Variants in ABCA12 observed in about 807,000 individuals in gnomAD.
The protein encoded by ABCA12 is ATP binding cassette subfamily A member 12, also known as glucosylceramide transporter ABCA12.
In ABCA12, 156 loss-of-function variants were observed where a neutral mutation model predicts 293.5. The observed-to-expected ratio is 0.53, with a 90% CI of 0.47 to 0.61. The LOEUF is 0.61. Among genes scored for constraint, ABCA12 ranks in the 20% least tolerant of loss-of-function variants. The pLI is 0.00. For synonymous variants in ABCA12, 1,063 were observed against 1,108.0 expected (o/e 0.96, Z 0.81); for missense variants, 2,797 against 3,090.2 (o/e 0.91, Z 2.25).
intron 2 of ABCA12, among the ~76,000 whole-genome samples, chr2:215,094,876 T>G (rs755594130): frequency 1.3e-5 from 2 of 152,156 alleles, no homozygotes; most frequent in African/African-American, 2.4e-5. Flanking sequence ...TCTCTTTTGG[T>G]GCTCCCTCTC....
chr2:215,124,151 T>A (rs1408589215), intron 1 of ABCA12, among the ~76,000 whole-genome samples: 1 of 152,230 alleles, frequency 6.6e-6, no homozygotes, highest in East Asian at 1.9e-4. Context: ...TTCCACAGTT[T>A]TTTAATCCAC....
chr2:215,048,492 C>T (rs1048700808), intron 6 of ABCA12, among the ~76,000 whole-genome samples: 14 of 151,094 alleles, frequency 9.3e-5, no homozygotes, highest in East Asian at 2.0e-4. Context: ...GTCAGGAGTT[C>T]GAGATGAGCC....
At chr2:214,962,451 T>G (rs1171387803) in intron 39 of ABCA12, 1 of 152,168 alleles carries the variant, frequency 6.6e-6, no homozygotes, top group Non-Finnish European at 1.5e-5. Context: ...ATATGGGCAG[T>G]GCTCAATGAA....
intron 5 of ABCA12, chr2:215,050,799 A>C (rs1701305125): frequency 1.0e-6 from 1 of 985,168 alleles, no homozygotes; most frequent in Non-Finnish European, 1.2e-6. Context: ...CTCACCCAAA[A>C]ATGATTTCTC....
In ABCA12 at chr2:215,019,366, T is replaced by G. The variant is rs1362539539; in HGVS notation, c.1627A>C (p.Asn543His). 1 of 1,612,632 alleles carries G rather than the reference T, an allele frequency of 6.2e-7. No homozygotes were observed. The highest frequency in any genetic ancestry group is 1.7e-5 in the Admixed American group (1 of 60,024). The change falls in exon 13 of 53, where the codon AAT (asparagine) becomes CAT (histidine). Residue 543 changes from asparagine to histidine, a missense_variant. Asn to His is a moderately conservative substitution (Grantham distance 68). Around this residue, in one of 3 missense-constraint regions of ABCA12, gnomAD observed 656 missense variants for 638.2 expected, o/e 1.03. Coordinates refer to ENST00000272895, the MANE Select transcript of ABCA12 (RefSeq NM_173076.3). ...IPIIEAMLHVNNSADASEKPG... is the reference protein window; with the variant it reads ...IPIIEAMLHVHNSADASEKPG... ...TTTTCAGAAGCATCTGCACTGTTAT[T>G]GACATGCAGCATGGCTTCTATGATC... is the stretch of plus-strand genomic sequence containing the variant.
intron 39 of ABCA12, chr2:214,961,758 C>G (rs1480482773): frequency 3.3e-5 from 5 of 152,120 alleles, no homozygotes; most frequent in East Asian, 1.9e-4. Flanking sequence ...TATTGATGCT[C>G]TAGATCTAAT....
intron 31 of ABCA12, among the ~76,000 whole-genome samples, chr2:214,979,614 G>A (rs1054861673): frequency 6.6e-5 from 10 of 151,762 alleles, no homozygotes; most frequent in African/African-American, 1.5e-4. Context: ...CTTATTGATC[G>A]TATCATCTGA....
At chr2:215,069,144 C>T (rs1701688477) in intron 2 of ABCA12, among the ~76,000 whole-genome samples, 1 of 151,666 alleles carries the variant, frequency 6.6e-6, no homozygotes, top group African/African-American at 2.4e-5. Context: ...GTCTTTACCC[C>T]AGTGAAGAAT....
Position 215,101,414 on chromosome 2 carries a change from C to A in ABCA12, c.163+10183G>T, listed in dbSNP as rs116368931. On this transcript the variant is annotated intron_variant, in intron 2 of 52. Transcript: ENST00000272895. ...CCAACTCCACCTCCACCTCCAGATG[C>A]CAACTCAGAAAGCCTAGGGTAATAC... 5.4e-3 allele frequency among the ~76,000 whole-genome samples: 825 copies of A among 152,232 alleles called. 13 individuals are homozygous for A. The highest frequency in any genetic ancestry group is 0.019 in the African/African-American group (777 of 41,540).
chr2:215,025,407 C>T (rs1486622178), intron 11 of ABCA12: 4 of 402,518 alleles, frequency 9.9e-6, no homozygotes, highest in Admixed American at 8.7e-5. Context: ...TGATTCTTCC[C>T]ACCTCGGCCT....
chr2:215,101,213 G>T (rs558087579), intron 2 of ABCA12, among the ~76,000 whole-genome samples: 3 of 152,292 alleles, frequency 2.0e-5, no homozygotes, highest in Non-Finnish European at 4.4e-5. Flanking sequence ...ATTATTCAAA[G>T]AATTAAATCC....
At chr2:215,018,258 C>G (rs1700550302) in intron 13 of ABCA12, 126 bp from the exon 14 acceptor site, 1 of 1,191,284 alleles carries the variant, frequency 8.4e-7, no homozygotes, top group Non-Finnish European at 1.2e-6. Context: ...AGATGTCTCC[C>G]AGTTTTGGCA....
At chr2:215,020,783 CG>C (rs1700613407) in intron 11 of ABCA12, 1 of 152,286 alleles carries the variant, frequency 6.6e-6, no homozygotes, top group Non-Finnish European at 1.5e-5. Context: ...ACTGCAACCT[CG>C]GCCTCCAGGC....
At chr2:214,969,777 AAAG>A (rs1699345502) in intron 37 of ABCA12, among the ~76,000 whole-genome samples, 1 of 152,100 alleles carries the variant, frequency 6.6e-6, no homozygotes, top group Non-Finnish European at 1.5e-5. Flanking sequence ...GAGATGGAGG[AAAG>A]AAGAAAATGG....
At chr2:214,962,577 T>C (rs976139196) in intron 39 of ABCA12, 2 of 152,170 alleles carry the variant, frequency 1.3e-5, no homozygotes, top group Non-Finnish European at 2.9e-5. Context: ...ACCTGATAGA[T>C]ATCTACAGAA....
intron 39 of ABCA12, among the ~76,000 whole-genome samples, chr2:214,965,165 G>C (rs200754711): frequency 6.6e-6 from 1 of 152,080 alleles, no homozygotes; most frequent in African/African-American, 2.4e-5. Context: ...TGGGAGAACC[G>C]GCTAGCCATA....
chr2:215,001,488 A>G (rs371501972), intron 21 of ABCA12, 70 bp downstream of exon 21: 3 of 1,596,950 alleles, frequency 1.9e-6, no homozygotes, highest in African/African-American at 1.3e-5. Context: ...TCTGGATGAA[A>G]GACATGAGGA....
At chr2:215,012,968 C>T (rs148187436) in intron 15 of ABCA12, 1 of 152,142 alleles carries the variant, frequency 6.6e-6, no homozygotes, top group East Asian at 1.9e-4. Context: ...ATTTTAATCC[C>T]ATAATGCTTA....
At chr2:215,106,748 C>CA (rs34394993) in intron 2 of ABCA12, among the ~76,000 whole-genome samples, 30,657 of 101,466 alleles carry the variant, frequency 0.3, 3,294 homozygotes, top group South Asian at 0.51. Flanking sequence ...GCTTTGGAGG[C>CA]AAAAAAAAAA....
Sources: allele counts gnomAD v4.1 joint callset (sites outside exome capture counted in the v4.1 genomes callset), GRCh38; gene constraint gnomAD v4.1.1; regional missense constraint gnomAD v4.1.1; transcripts MANE v1.5; gene names NCBI Gene and HGNC (gene_info 2026-07-23, HGNC 2026-07-21).